The following NRG1 variants were observed in gnomAD, a reference collection of about 807,000 sequenced individuals.
The protein encoded by NRG1 is neuregulin 1.
In NRG1, 18 loss-of-function variants were observed where a neutral mutation model predicts 63.8. That is an observed-to-expected ratio of 0.28 (90% CI 0.19 to 0.42). NRG1 has a LOEUF of 0.42. NRG1 is among the 10% of genes least tolerant of loss of function. The probability of loss-of-function intolerance (pLI) is 1.00; values close to 1 mark genes in which losing one functional copy is unlikely to be tolerated. For synonymous variants in NRG1, 302 were observed against 301.3 expected (o/e 1.00, Z -0.02); for missense variants, 762 against 814.7 (o/e 0.94, Z 0.79).
chr8:32,317,908 G>A (rs1458601512), intron 1 of NRG1, among the ~76,000 whole-genome samples: 1 of 152,142 alleles, frequency 6.6e-6, no homozygotes, highest in East Asian at 1.9e-4. Flanking sequence ...TATAATTGAA[G>A]AGATGCTAAG....
chr8:32,016,621 G>A (rs772859160), intron 1 of NRG1, among the ~76,000 whole-genome samples: 30 of 151,958 alleles, frequency 2.0e-4, no homozygotes, highest in Non-Finnish European at 3.5e-4. Context: ...ACTTTCTTAG[G>A]ATGATAATAG....
At chr8:32,341,118 T>A (rs1326802988) in intron 1 of NRG1, among the ~76,000 whole-genome samples, 1 of 152,202 alleles carries the variant, frequency 6.6e-6, no homozygotes, top group East Asian at 1.9e-4. Flanking sequence ...ATCTTCAAAA[T>A]CCAACAGGAT....
chr8:32,119,600 T>C (rs981830714), intron 1 of NRG1, among the ~76,000 whole-genome samples: 1 of 152,102 alleles, frequency 6.6e-6, no homozygotes. Flanking sequence ...GTAAATGCAA[T>C]GTGAGAAGAT....
chr8:32,530,131 G>A (rs936947913), intron 1 of NRG1, among the ~76,000 whole-genome samples: 3 of 150,880 alleles, frequency 2.0e-5, no homozygotes, highest in Admixed American at 6.6e-5. Flanking sequence ...TTTTTGAGGC[G>A]GAGTCTCACT....
chr8:32,672,740 T>A (rs1806016097), intron 5 of NRG1, among the ~76,000 whole-genome samples: 1 of 149,610 alleles, frequency 6.7e-6, no homozygotes, highest in Non-Finnish European at 1.5e-5. Flanking sequence ...ACAGCACTGT[T>A]CTTCTGTTAT....
intron 1 of NRG1, among the ~76,000 whole-genome samples, chr8:32,308,628 T>C (rs1856485575): frequency 6.6e-6 from 1 of 152,222 alleles, no homozygotes; most frequent in South Asian, 2.1e-4. Context: ...TTCTTTCTCT[T>C]TTTAACTCCA....
intron 9 of NRG1, among the ~76,000 whole-genome samples, chr8:32,758,813 G>C (rs1263683343): frequency 1.3e-5 from 2 of 152,072 alleles, no homozygotes; most frequent in Non-Finnish European, 2.9e-5. Context: ...CTAGGAAATG[G>C]AAGGAGAAAG....
intron 1 of NRG1, among the ~76,000 whole-genome samples, chr8:32,395,500 G>A (rs780406822): frequency 5.9e-5 from 9 of 152,084 alleles, no homozygotes; most frequent in Non-Finnish European, 1.3e-4. Flanking sequence ...ATGATATTGA[G>A]CATCTTTTCA....
intron 1 of NRG1, among the ~76,000 whole-genome samples, chr8:31,889,180 G>C (rs1830953304): frequency 6.6e-6 from 1 of 152,204 alleles, no homozygotes; most frequent in African/African-American, 2.4e-5. Flanking sequence ...GCCTAGGAAA[G>C]TGACATCATG....
intron 1 of NRG1, among the ~76,000 whole-genome samples, chr8:31,731,588 G>C (rs1278519462): frequency 6.6e-6 from 1 of 151,834 alleles, no homozygotes; most frequent in Admixed American, 6.6e-5. Flanking sequence ...CAATAGTTTT[G>C]ACATTTTTAG....
At chr8:31,919,506 T>A (rs1020070957) in intron 1 of NRG1, among the ~76,000 whole-genome samples, 1 of 152,070 alleles carries the variant, frequency 6.6e-6, no homozygotes, top group Non-Finnish European at 1.5e-5. Flanking sequence ...TATTTTATAA[T>A]AGTGACAATT....
chr8:32,349,611 A>C (rs1383136570), intron 1 of NRG1, among the ~76,000 whole-genome samples: 1 of 152,222 alleles, frequency 6.6e-6, no homozygotes, highest in African/African-American at 2.4e-5. Flanking sequence ...GAAGAATGAG[A>C]AATCCTCGAT....
intron 1 of NRG1, among the ~76,000 whole-genome samples, chr8:32,110,546 C>G (rs1376819237): frequency 1.3e-5 from 2 of 152,110 alleles, no homozygotes; most frequent in African/African-American, 2.4e-5. Flanking sequence ...AGGTGAGAAT[C>G]TCTCCTTTCT....
chr8:31,674,360 T>C (rs1228442973), intron 1 of NRG1, among the ~76,000 whole-genome samples: 1 of 152,196 alleles, frequency 6.6e-6, no homozygotes, highest in Non-Finnish European at 1.5e-5. Context: ...CCGCAACGTA[T>C]AAGGGTTTCA....
chr8:32,052,934 A>G (rs1322590088), intron 1 of NRG1, among the ~76,000 whole-genome samples: 7 of 152,294 alleles, frequency 4.6e-5, no homozygotes, highest in South Asian at 4.1e-4. Flanking sequence ...TTTTCAGCTC[A>G]ACATTTGATC....
chr8:32,477,162 C>A (rs2129492088), intron 1 of NRG1, among the ~76,000 whole-genome samples: 1 of 152,198 alleles, frequency 6.6e-6, no homozygotes, highest in African/African-American at 2.4e-5. Context: ...GGGACCTGTG[C>A]CTTTCCGAAG....
At chr8:31,934,775 A>AT (rs990626684) in intron 1 of NRG1, among the ~76,000 whole-genome samples, 1 of 151,856 alleles carries the variant, frequency 6.6e-6, no homozygotes, top group East Asian at 1.9e-4. Context: ...CTACCTATCT[A>AT]TTTTTTTCTC....
At chr8:32,186,747 A>G (rs1236582176) in intron 1 of NRG1, among the ~76,000 whole-genome samples, 1 of 152,172 alleles carries the variant, frequency 6.6e-6, no homozygotes, top group Non-Finnish European at 1.5e-5. Context: ...AAAGTTTGAG[A>G]AGCACAGCTG....
chr8:32,564,497 A>T (rs1305894616), intron 1 of NRG1, among the ~76,000 whole-genome samples: 8 of 152,360 alleles, frequency 5.3e-5, no homozygotes, highest in African/African-American at 1.9e-4. Flanking sequence ...TTATAGGGTA[A>T]TAAAGTTAAA....
Sources: gnomAD v4.1 joint callset for allele counts (sites outside exome capture counted in the v4.1 genomes callset) on GRCh38, gnomAD v4.1.1 for gene constraint, MANE v1.5 for transcripts, NCBI Gene and HGNC (gene_info 2026-07-23, HGNC 2026-07-21) for gene names.